Variants in CCDC3 observed in about 807,000 individuals in gnomAD.
CCDC3 encodes the protein coiled-coil domain-containing protein 3.
Under a neutral mutation model 21.4 loss-of-function variants are expected in CCDC3, and 24 were observed. That is an observed-to-expected ratio of 1.12 (90% CI 0.81 to 1.58). CCDC3 has a LOEUF of 1.58. Ranked by LOEUF, CCDC3 falls within the 40% of genes most tolerant of loss-of-function variation. The pLI is 0.00. For synonymous variants in CCDC3, 186 were observed against 166.0 expected (o/e 1.12, Z -0.93); for missense variants, 425 against 360.9 (o/e 1.18, Z -1.44).
chr10:12,963,812 C>A (rs141299553), intron 2 of CCDC3, among the ~76,000 whole-genome samples: 4 of 151,936 alleles, frequency 2.6e-5, no homozygotes, highest in Admixed American at 1.3e-4. Flanking sequence ...AAACTCCTGA[C>A]CTGAAAGTGA....
intron 3 of CCDC3, among the ~76,000 whole-genome samples, chr10:13,078,846 A>G (rs553381721): frequency 9.4e-5 from 14 of 149,394 alleles, no homozygotes; most frequent in African/African-American, 3.4e-4. Flanking sequence ...AACATCACAC[A>G]ACGGGGCCTG....
intron 2 of CCDC3, among the ~76,000 whole-genome samples, chr10:12,937,017 A>C (rs1029720016): frequency 2.0e-5 from 3 of 152,178 alleles, no homozygotes; most frequent in Non-Finnish European, 4.4e-5. Context: ...CCTGTATCTG[A>C]CAGTTACTTG....
intron 2 of CCDC3, among the ~76,000 whole-genome samples, chr10:12,943,033 G>A (rs79355215): frequency 1.3e-5 from 2 of 152,184 alleles, no homozygotes; most frequent in South Asian, 2.1e-4. Flanking sequence ...CTGTAGGTAC[G>A]TATGTGTGAT....
intron 2 of CCDC3, among the ~76,000 whole-genome samples, chr10:12,966,709 T>C (rs1272160295): frequency 6.6e-6 from 1 of 152,200 alleles, no homozygotes; most frequent in East Asian, 1.9e-4. Flanking sequence ...AGCCACACTG[T>C]ATCATCTTCA....
intron 2 of CCDC3, among the ~76,000 whole-genome samples, chr10:12,907,988 G>A (rs1834201510): frequency 6.6e-6 from 1 of 152,202 alleles, no homozygotes; most frequent in African/African-American, 2.4e-5. Flanking sequence ...GGGAAGCAGG[G>A]GGACAAGATC....
chr10:13,005,398 C>T (rs541246004), upstream of CCDC3, among the ~76,000 whole-genome samples: 8 of 152,340 alleles, frequency 5.3e-5, no homozygotes, highest in East Asian at 1.5e-3. Context: ...ATCCCAGTCT[C>T]TTGGATACCA....
At chr10:13,074,990 C>A (rs371538651) in intron 3 of CCDC3, among the ~76,000 whole-genome samples, 1 of 152,286 alleles carries the variant, frequency 6.6e-6, no homozygotes, top group African/African-American at 2.4e-5. Context: ...ATCCCAGCCG[C>A]GGCCAGTCAC....
intron 2 of CCDC3, among the ~76,000 whole-genome samples, chr10:12,957,627 G>C (rs1031909685): frequency 6.6e-6 from 1 of 152,120 alleles, no homozygotes; most frequent in Non-Finnish European, 1.5e-5. Context: ...CCGTCCTCAC[G>C]ATAGTGAGAG....
At chr10:12,986,710 T>G (rs1835599678) in intron 2 of CCDC3, among the ~76,000 whole-genome samples, 1 of 151,554 alleles carries the variant, frequency 6.6e-6, no homozygotes, top group Non-Finnish European at 1.5e-5. Flanking sequence ...GAGGCGGAGC[T>G]TGCAGTGAGC....
intron 4 of CCDC3, among the ~76,000 whole-genome samples, chr10:13,072,409 AAGAC>A (rs1450405208): frequency 1.3e-5 from 2 of 152,212 alleles, no homozygotes; most frequent in Non-Finnish European, 2.9e-5. Context: ...AGGGGGGAAT[AAGAC>A]AGCCAAATGC....
At chr10:13,058,770 A>G in intron 4 of CCDC3, 1 of 210,024 alleles carries the variant, frequency 4.8e-6, no homozygotes, top group Non-Finnish European at 9.6e-6. Context: ...GAATTTTTAA[A>G]TTAACAAGCA....
rs768170476 is a variant in CCDC3 at position 13,087,464 on chromosome 10, GC to G, written c.-503+11060del. 7.3e-5 allele frequency among the ~76,000 whole-genome samples: 11 copies of G among 150,982 alleles called. No homozygotes were observed. In the East Asian group the frequency reaches 2.1e-3, roughly 29 times the overall value. ...TGACGATATCTGGCCCACCCTCTTT[GC>G]CCCTCTCCCTTCTCCATGTCCACTC... On this transcript the variant is annotated intron_variant, in intron 3 of 6. Coordinates refer to the CCDC3 transcript ENST00000378839.
intron 2 of CCDC3, among the ~76,000 whole-genome samples, chr10:12,903,707 ATGCC>A (rs1834127023): frequency 6.6e-6 from 1 of 152,224 alleles, no homozygotes; most frequent in Non-Finnish European, 1.5e-5. Flanking sequence ...GGCCAATAGG[ATGCC>A]TGCCTAAGGG....
At chr10:12,942,358 G>A (rs1209329527) in intron 2 of CCDC3, among the ~76,000 whole-genome samples, 1 of 152,170 alleles carries the variant, frequency 6.6e-6, no homozygotes, top group Non-Finnish European at 1.5e-5. Flanking sequence ...TTAGGCAGTT[G>A]GTGAGGGTAA....
chr10:12,922,392 C>A (rs890035707), intron 2 of CCDC3, among the ~76,000 whole-genome samples: 5 of 152,174 alleles, frequency 3.3e-5, no homozygotes, highest in African/African-American at 1.2e-4. Flanking sequence ...TCAGAAGATG[C>A]TTTGGAACCA....
chr10:12,972,587 C>T (rs1488063505), intron 2 of CCDC3, among the ~76,000 whole-genome samples: 2 of 152,146 alleles, frequency 1.3e-5, no homozygotes, highest in Admixed American at 6.5e-5. Flanking sequence ...AGGCCAAAGG[C>T]AGGCAAATCA....
At chr10:12,915,622 C>G (rs1413147634) in intron 2 of CCDC3, among the ~76,000 whole-genome samples, 1 of 152,160 alleles carries the variant, frequency 6.6e-6, no homozygotes, top group African/African-American at 2.4e-5. Flanking sequence ...TTTGAGAAAG[C>G]CTTTCACCAG....
chr10:13,014,377 G>C (rs1301972613), intron 5 of CCDC3, among the ~76,000 whole-genome samples: 1 of 149,658 alleles, frequency 6.7e-6, no homozygotes, highest in Non-Finnish European at 1.5e-5. Flanking sequence ...GGGAACCCAG[G>C]AGTCGGAGCT....
At chr10:13,096,046 G>A (rs575833911) in intron 3 of CCDC3, among the ~76,000 whole-genome samples, 4 of 152,082 alleles carry the variant, frequency 2.6e-5, no homozygotes, top group African/African-American at 7.2e-5. Flanking sequence ...TAGCAAGTAC[G>A]AATATTAGTC....
Sources: allele counts gnomAD v4.1 joint callset (sites outside exome capture counted in the v4.1 genomes callset), GRCh38; gene constraint gnomAD v4.1.1; transcripts MANE v1.5; gene names NCBI Gene and HGNC (gene_info 2026-07-23, HGNC 2026-07-21).